The following HAPLN1 variants were observed in gnomAD, a reference collection of about 807,000 sequenced individuals.
HAPLN1 encodes hyaluronan and proteoglycan link protein 1, also known as Cartilage link protein.
In HAPLN1, 13 loss-of-function variants were observed where a neutral mutation model predicts 36.5. That is an observed-to-expected ratio of 0.36 (90% CI 0.23 to 0.57). The LOEUF (loss-of-function observed/expected upper bound fraction) is 0.57. HAPLN1 is among the 20% of genes least tolerant of loss of function. The pLI, the probability that HAPLN1 is intolerant of heterozygous loss-of-function variation, is 0.83. For missense variants in HAPLN1, 407 were observed against 439.7 expected, an observed-to-expected ratio of 0.93 and a Z score of 0.66; for synonymous variants, 202 against 169.8, an observed-to-expected ratio of 1.19 and a Z score of -1.48.
chr5:83,701,199 A>C (rs1751499697), intron 1 of HAPLN1, among the ~76,000 whole-genome samples: 1 of 152,368 alleles, frequency 6.6e-6, no homozygotes, highest in African/African-American at 2.4e-5. Flanking sequence ...AAAATAACAA[A>C]ATTTTGCAGG....
At chr5:83,711,960 A>G (rs902077907) in intron 1 of HAPLN1, among the ~76,000 whole-genome samples, 1 of 152,220 alleles carries the variant, frequency 6.6e-6, no homozygotes, top group Non-Finnish European at 1.5e-5. Context: ...TTCAGACAGT[A>G]CTGAATAAAT....
chr5:83,671,428 A>G (rs1750716002), intron 2 of HAPLN1, among the ~76,000 whole-genome samples: 1 of 152,238 alleles, frequency 6.6e-6, no homozygotes, highest in Admixed American at 6.5e-5. Flanking sequence ...TCAGCTCCCT[A>G]AAATTCCTTC....
intron 1 of HAPLN1, among the ~76,000 whole-genome samples, chr5:83,718,485 A>G (rs931962730): frequency 6.6e-6 from 1 of 152,112 alleles, no homozygotes; most frequent in Non-Finnish European, 1.5e-5. Flanking sequence ...AATTTATACC[A>G]CCTCGTCCTC....
rs1749614260 is a variant in HAPLN1 at position 83,639,352 on chromosome 5, AT to A, written c.*2143del. The A allele has an allele frequency of 6.6e-6, 1 of 152,032 alleles. No individual in the cohort carries two copies. Among genetic ancestry groups the A allele is most frequent in the Non-Finnish European group, 1.5e-5 (1 of 67,908 alleles). 9.4% of individuals were successfully genotyped at this position (152,032 alleles called of 1,614,324 possible). A position where few individuals can be genotyped will look rare whatever the true frequency, so the allele number is the denominator to read the frequency against. ...TAATCAGCTAACAGTCACTCCAGAGATTTTGATCAGCACCAATTCCTATAGT... is the reference window on the plus strand; with the variant it reads ...TAATCAGCTAACAGTCACTCCAGAGATTTGATCAGCACCAATTCCTATAGT... On this transcript the variant is annotated 3_prime_UTR_variant, in exon 5 of 5. Transcript: ENST00000274341.
At chr5:83,677,316 G>A (rs1011286133) in intron 1 of HAPLN1, among the ~76,000 whole-genome samples, 3 of 152,170 alleles carry the variant, frequency 2.0e-5, no homozygotes, top group African/African-American at 4.8e-5. Context: ...CCCCAGAGAC[G>A]CATTCCCAAC....
In HAPLN1 at chr5:83,681,664, C is replaced by G. The variant is rs535768655; in HGVS notation, c.-26-8115G>C. 1.1e-3 allele frequency among the ~76,000 whole-genome samples: 162 copies of G among 152,166 alleles called. 2 individuals carry two copies. The highest frequency in any genetic ancestry group is 3.8e-3 in the African/African-American group (156 of 41,524). On this transcript the variant is annotated intron_variant, in intron 1 of 4. Transcript: ENST00000274341. The stretch of plus-strand genomic sequence containing the variant: ...TAGCTGGGACCACAGCCACCTGCCA[C>G]CAAACCAGGATAATTTTTTGACTTT...
At chr5:83,652,010 T>A (rs1750075831) in intron 3 of HAPLN1, 1 of 161,730 alleles carries the variant, frequency 6.2e-6, no homozygotes, top group Admixed American at 6.4e-5. Context: ...GAATTAAGGT[T>A]TTGCAGTCAT....
chr5:83,666,085 C>T (rs563611227), intron 2 of HAPLN1, among the ~76,000 whole-genome samples: 44 of 152,228 alleles, frequency 2.9e-4, no homozygotes, highest in Middle Eastern at 3.4e-3. Context: ...ATTTCATTTT[C>T]TCCCTAGATA....
In HAPLN1 at chr5:83,684,076, C is replaced by T. The variant is rs116124368; in HGVS notation, c.-26-10527G>A. Among the ~76,000 whole-genome samples the T allele has an allele frequency of 9.1e-3, 1,387 of 151,964 alleles. 31 individuals carry two copies. The highest frequency in any genetic ancestry group is 0.032 in the African/African-American group (1,318 of 41,430). On this transcript the variant is annotated intron_variant, in intron 1 of 4. Transcript: ENST00000274341. Reference sequence around the variant, plus strand: ...GTTCTTTAGTGGTAATGAACATCTGCGAAGAGACCAGCAGCATGGCCCCTG... The same window carrying T: ...GTTCTTTAGTGGTAATGAACATCTGTGAAGAGACCAGCAGCATGGCCCCTG...
chr5:83,654,290 C>T (rs891216443), intron 2 of HAPLN1, among the ~76,000 whole-genome samples: 13 of 152,104 alleles, frequency 8.5e-5, no homozygotes, highest in South Asian at 2.1e-4. Context: ...TAATGAAATG[C>T]GAGGATAATG....
intron 1 of HAPLN1, among the ~76,000 whole-genome samples, chr5:83,688,028 A>G (rs879000098): frequency 1.3e-5 from 2 of 152,086 alleles, no homozygotes; most frequent in Admixed American, 6.6e-5. Flanking sequence ...CTTTGTCTCA[A>G]CCTTTTTGTC....
At chr5:83,712,472 G>A (rs1006215517) in intron 1 of HAPLN1, among the ~76,000 whole-genome samples, 1 of 152,010 alleles carries the variant, frequency 6.6e-6, no homozygotes, top group Admixed American at 6.6e-5. Context: ...ATAATTATTA[G>A]CACATAGTGT....
intron 1 of HAPLN1, among the ~76,000 whole-genome samples, chr5:83,691,467 T>G (rs757686344): frequency 1.3e-5 from 2 of 152,018 alleles, no homozygotes; most frequent in Non-Finnish European, 2.9e-5. Flanking sequence ...GCCTCATAAT[T>G]CTTGGAGAAG....
chr5:83,699,151 C>T (rs548136511), intron 1 of HAPLN1, among the ~76,000 whole-genome samples: 2 of 152,162 alleles, frequency 1.3e-5, no homozygotes, highest in African/African-American at 2.4e-5. Flanking sequence ...TCAAAGAGTA[C>T]ATAAAAGGAA....
At chr5:83,660,083 G>A (rs1383303409) in intron 2 of HAPLN1, among the ~76,000 whole-genome samples, 2 of 152,040 alleles carry the variant, frequency 1.3e-5, no homozygotes, top group Non-Finnish European at 2.9e-5. Flanking sequence ...GCTAAATTGT[G>A]TTTTTATAAT....
chr5:83,701,923 C>G (rs1455435631), intron 1 of HAPLN1, among the ~76,000 whole-genome samples: 1 of 117,798 alleles, frequency 8.5e-6, no homozygotes, highest in East Asian at 2.7e-4. Flanking sequence ...GAGACTTCGA[C>G]AAAAACACAC....
chr5:83,706,275 C>T (rs920590604), intron 1 of HAPLN1, among the ~76,000 whole-genome samples: 6 of 152,086 alleles, frequency 3.9e-5, no homozygotes, highest in Non-Finnish European at 7.4e-5. Context: ...GACACAACAA[C>T]AACATCAAAA....
intron 3 of HAPLN1, among the ~76,000 whole-genome samples, chr5:83,650,913 C>T (rs966106108): frequency 5.3e-5 from 8 of 152,070 alleles, no homozygotes; most frequent in African/African-American, 1.9e-4. Context: ...TTCAGCATCT[C>T]TAATTGTGTC....
chr5:83,699,736 C>T (rs1264744595), intron 1 of HAPLN1, among the ~76,000 whole-genome samples: 1 of 152,064 alleles, frequency 6.6e-6, no homozygotes, highest in African/African-American at 2.4e-5. Context: ...AAATAAATAC[C>T]TGATTTCTGA....
Sources: allele counts gnomAD v4.1 joint callset (sites outside exome capture counted in the v4.1 genomes callset), GRCh38; gene constraint gnomAD v4.1.1; transcripts MANE v1.5; gene names NCBI Gene and HGNC (gene_info 2026-07-23, HGNC 2026-07-21).